ISM1: variants seen among roughly 807,000 people sequenced by gnomAD.
ISM1 encodes the protein isthmin 1.
ISM1 carries 25 observed loss-of-function variants against 46.3 expected under a neutral mutation model. The observed-to-expected ratio is 0.54, with a 90% CI of 0.39 to 0.75. ISM1 has a LOEUF of 0.75. ISM1 is among the 30% of genes least tolerant of loss of function. The probability of loss-of-function intolerance (pLI) is 0.00; values close to 1 mark genes in which losing one functional copy is unlikely to be tolerated. For synonymous variants in ISM1, 255 were observed against 256.7 expected (o/e 0.99, Z 0.06); for missense variants, 536 against 625.4 (o/e 0.86, Z 1.52).
the ISM1 span, among the ~76,000 whole-genome samples, chr20:13,310,813 G>T: frequency 6.6e-6 from 1 of 152,204 alleles, no homozygotes; most frequent in Admixed American, 6.5e-5. Context: ...TATATGTAAA[G>T]TTGCTCAATG....
At position 13,295,854 on chromosome 20, in the gene ISM1, G is replaced by A. The variant is rs182869984; in HGVS notation, c.878-3088G>A. On this transcript the variant is annotated intron_variant, in intron 5 of 5. Coordinates refer to ENST00000262487, the MANE Select transcript of ISM1 (RefSeq NM_080826.2). ...GGGGGTGGATGTTAAAATCACGATA[G>A]ATCCAAAGGTGCAACCTGGAGGCTG... Among the ~76,000 whole-genome samples, 406 of 152,306 alleles carry A rather than the reference G, an allele frequency of 2.7e-3. 1 individual carries two copies. The highest frequency in any genetic ancestry group is 6.2e-3 in the African/African-American group (259 of 41,558).
chr20:13,295,436 T>G (rs1250814345), intron 5 of ISM1, among the ~76,000 whole-genome samples: 1 of 152,182 alleles, frequency 6.6e-6, no homozygotes, highest in Non-Finnish European at 1.5e-5. Flanking sequence ...AAACTGAACA[T>G]GTCATGCCCC....
chr20:13,284,760 CAATAGA>C (rs1169239781), intron 3 of ISM1, among the ~76,000 whole-genome samples: 1 of 152,038 alleles, frequency 6.6e-6, no homozygotes, highest in Non-Finnish European at 1.5e-5. Flanking sequence ...CTGTCAGCCT[CAATAGA>C]AATAATTAGC....
At chr20:13,316,444 A>G in the ISM1 span, among the ~76,000 whole-genome samples, 1 of 151,958 alleles carries the variant, frequency 6.6e-6, no homozygotes, top group Non-Finnish European at 1.5e-5. Flanking sequence ...TCATCCTATG[A>G]GAGCAGCATT....
chr20:13,320,996 C>T, the ISM1 span, among the ~76,000 whole-genome samples: 3 of 151,834 alleles, frequency 2.0e-5, no homozygotes, highest in South Asian at 6.2e-4. Flanking sequence ...GTCAGGATTT[C>T]GAGACCAGCC....
intron 4 of ISM1, 65 bp downstream of exon 4, chr20:13,288,748 C>A: frequency 6.9e-7 from 1 of 1,452,344 alleles, no homozygotes; most frequent in South Asian, 1.2e-5. Flanking sequence ...TCATTAAAAA[C>A]TTAGTGACAT....
intron 3 of ISM1, among the ~76,000 whole-genome samples, chr20:13,284,836 A>G (rs1180861411): frequency 6.6e-6 from 1 of 152,238 alleles, no homozygotes; most frequent in East Asian, 1.9e-4. Flanking sequence ...GTTTGGAAAT[A>G]AAATGGCTTT....
Position 13,221,811 on chromosome 20 carries a change from TG to T in ISM1, c.39del (p.Leu14CysfsTer116), listed in dbSNP as rs1278607843. On this transcript the variant is annotated frameshift_variant, in exon 1 of 6. Transcript: ENST00000262487. LOFTEE classifies it high-confidence loss of function. ...CTGGCGGCCGAGCTGCTGCTGCTGC[TG>T]GGGCTGCTGCTGCTCACGCTGCACA... ...VRLAAELLLL[L>X]GLLLLTLHIT... 1.4e-6 allele frequency: 2 copies of T among 1,456,758 alleles called. No individual in the cohort carries two copies. Among genetic ancestry groups the T allele is most frequent in the African/African-American group, 2.9e-5 (2 of 68,016 alleles). 90.2% of individuals were successfully genotyped at this position (1,456,758 alleles called of 1,614,324 possible).
intron 1 of ISM1, among the ~76,000 whole-genome samples, chr20:13,236,568 A>G (rs2039652535): frequency 6.6e-6 from 1 of 152,168 alleles, no homozygotes; most frequent in East Asian, 1.9e-4. Context: ...AATTAACCCA[A>G]AAGTCCACAG....
At position 13,221,640 on chromosome 20, in the gene ISM1, C is replaced by T; in HGVS notation, c.-137C>T. 1 of 674,518 alleles carries T rather than the reference C, an allele frequency of 1.5e-6. No individual in the cohort carries two copies. The highest frequency in any genetic ancestry group is 2.0e-6 in the Non-Finnish European group (1 of 509,044). The allele number at this position is 674,518 out of a possible 1,614,324, so 41.8% of individuals were successfully genotyped here. A position where few individuals can be genotyped will look rare whatever the true frequency, so the allele number is the denominator to read the frequency against. On this transcript the variant is annotated 5_prime_UTR_variant, in exon 1 of 6. Transcript: ENST00000262487. ...GCGCCCAGCGCCAGCCCCGCGGGCC[C>T]GGGAAGCGGAGCCCTGGCGGGAGCC...
chr20:13,228,242 G>A (rs1286442942), intron 1 of ISM1, among the ~76,000 whole-genome samples: 4 of 151,592 alleles, frequency 2.6e-5, no homozygotes, highest in Non-Finnish European at 5.9e-5. Flanking sequence ...CAAAATGCTG[G>A]GATTACAGGT....
chr20:13,293,980 A>G (rs966321247), intron 5 of ISM1, among the ~76,000 whole-genome samples: 2 of 152,230 alleles, frequency 1.3e-5, no homozygotes, highest in South Asian at 4.1e-4. Flanking sequence ...ATCTCAAAAA[A>G]AAAAGAAAGA....
At chr20:13,261,086 C>T (rs1024066348) in intron 1 of ISM1, among the ~76,000 whole-genome samples, 2 of 152,160 alleles carry the variant, frequency 1.3e-5, no homozygotes, top group African/African-American at 4.8e-5. Flanking sequence ...CTTTTCAAGT[C>T]TCTGTTAACT....
chr20:13,311,649 T>C, the ISM1 span, among the ~76,000 whole-genome samples: 2 of 152,182 alleles, frequency 1.3e-5, no homozygotes, highest in Admixed American at 6.5e-5. Flanking sequence ...ATGGATGAAC[T>C]TGGAGGACAT....
At chr20:13,311,983 T>C in the ISM1 span, among the ~76,000 whole-genome samples, 2 of 152,146 alleles carry the variant, frequency 1.3e-5, no homozygotes, top group Admixed American at 6.5e-5. Flanking sequence ...ACTAGCTTAA[T>C]TTTCCCACAA....
downstream of ISM1, among the ~76,000 whole-genome samples, chr20:13,301,902 G>A (rs2040461432): frequency 6.6e-6 from 1 of 152,182 alleles, no homozygotes; most frequent in South Asian, 2.1e-4. Flanking sequence ...AAGAAATAGA[G>A]GCAGAAATCA....
In ISM1 at chr20:13,221,856, C is replaced by A; in HGVS notation, c.80C>A (p.Ser27Ter). 1 of 1,432,740 alleles carries A rather than the reference C, an allele frequency of 7.0e-7. No homozygotes were observed. Among genetic ancestry groups the A allele is most frequent in the Non-Finnish European group, 9.1e-7 (1 of 1,098,144 alleles). 88.8% of individuals were successfully genotyped at this position (1,432,740 alleles called of 1,614,324 possible). ...LTLHITVLRGSGAADGPDAAA... is the reference protein window; with the variant it reads ...LTLHITVLRG ...CTGCACATCACCGTGCTGCGCGGCT[C>A]GGGAGCCGCCGACGGGCCCGACGCG... Residue 27 changes from serine to a stop codon, truncating the protein, a stop_gained, in exon 1 of 6, where the codon TCG (serine) becomes TAG (stop). Transcript: ENST00000262487. LOFTEE classifies it high-confidence loss of function.
At chr20:13,222,341 T>G (rs561765190) in intron 1 of ISM1, among the ~76,000 whole-genome samples, 1 of 152,266 alleles carries the variant, frequency 6.6e-6, no homozygotes. Flanking sequence ...CTGAAGTCTT[T>G]GGGAGAAAGA....
chr20:13,230,238 C>T (rs1302250590), intron 1 of ISM1, among the ~76,000 whole-genome samples: 1 of 152,136 alleles, frequency 6.6e-6, no homozygotes, highest in Admixed American at 6.5e-5. Flanking sequence ...AACATTTTTC[C>T]TCTGATATGC....
Sources: allele counts gnomAD v4.1 joint callset (sites outside exome capture counted in the v4.1 genomes callset), GRCh38; gene constraint gnomAD v4.1.1; transcripts MANE v1.5; gene names NCBI Gene and HGNC (gene_info 2026-07-23, HGNC 2026-07-21).